LRRC53: variants seen among roughly 807,000 people sequenced by gnomAD.
LRRC53 encodes the protein leucine-rich repeat-containing protein 53.
Under a neutral mutation model 13.6 loss-of-function variants are expected in LRRC53, and 25 were observed. The ratio of observed to expected loss-of-function variants is 1.83; its 90% CI spans 1.34 to 2.56. LRRC53 has a LOEUF of 2.56. Among genes scored for constraint, LRRC53 ranks in the 30% most tolerant of loss-of-function variants. The pLI, the probability that LRRC53 is intolerant of heterozygous loss-of-function variation, is 0.00. For missense variants in LRRC53, 527 were observed against 275.8 expected (o/e 1.91, Z -6.45); for synonymous variants, 204 against 109.8 (o/e 1.86, Z -5.37).
At chr1:74,502,206 T>C (rs1669668254) in intron 1 of LRRC53, among the ~76,000 whole-genome samples, 1 of 152,208 alleles carries the variant, frequency 6.6e-6, no homozygotes, top group South Asian at 2.1e-4. Context: ...ATACCCATAG[T>C]AGATTGTAAA....
In LRRC53 at chr1:74,470,997, ATAAC is replaced by A. The variant is rs1667899602; in HGVS notation, c.2621_2624del (p.Ser874IlefsTer2). 2.5e-6 allele frequency: 1 copy of A among 400,734 alleles called. No individual in the cohort carries two copies. Among genetic ancestry groups the A allele is most frequent in the Admixed American group, 4.4e-5 (1 of 22,746 alleles). 24.8% of individuals were successfully genotyped at this position (400,734 alleles called of 1,614,324 possible). Reference sequence around the variant, plus strand: ...CTGTATTTTCCCAAGTAGTTGCTAAATAACTAAGCACTTTTGATTCAAGCTGAGT... The same window carrying A: ...CTGTATTTTCCCAAGTAGTTGCTAAATAAGCACTTTTGATTCAAGCTGAGT... On this transcript the variant is annotated frameshift_variant, in exon 5 of 5. Coordinates refer to ENST00000294635, the MANE Select transcript of LRRC53 (RefSeq NM_001382280.1). LOFTEE classifies it low-confidence loss of function (END_TRUNC).
At chr1:74,531,600 G>T in the LRRC53 span, among the ~76,000 whole-genome samples, 1 of 152,164 alleles carries the variant, frequency 6.6e-6, no homozygotes, top group African/African-American at 2.4e-5. Flanking sequence ...GACTCTAGTA[G>T]CCTTTTCTAT....
chr1:74,470,770 G>C lies in LRRC53; in HGVS notation c.2852C>G (p.Ala951Gly), dbSNP rs491922. ...TGAATTTTGCTCTCTGTGTTGTAAGGCTTCATTTTGGTCTAAAGTGTATTC... is the reference window on the plus strand; with the variant it reads ...TGAATTTTGCTCTCTGTGTTGTAAGCCTTCATTTTGGTCTAAAGTGTATTC... ...NKEYTLDQNE[A>G]LQHREQNSSH... The change falls in exon 5 of 5, where the codon GCC becomes GGC. Residue 951 changes from alanine (A) to glycine (G), a missense_variant. Ala to Gly is a moderately conservative substitution (Grantham distance 60, BLOSUM62 0). Coordinates refer to ENST00000294635, the MANE Select transcript of LRRC53 (RefSeq NM_001382280.1). 0.58 allele frequency: 230,218 copies of C among 400,326 alleles called. 66,552 individuals carry two copies. Among genetic ancestry groups the C allele is most frequent in the East Asian group, 0.68 (19,033 of 28,062 alleles). The allele number at this position is 400,326 out of a possible 1,614,324, so 24.8% of individuals were successfully genotyped here.
upstream of LRRC53, among the ~76,000 whole-genome samples, chr1:74,514,031 AGCCAGTAAACGATAACT>A (rs1338221151): frequency 6.6e-6 from 1 of 152,220 alleles, no homozygotes; most frequent in Non-Finnish European, 1.5e-5. Context: ...AAAGGTTGTC[AGCCAGTAAACGATAACT>A]GCGTTTTTCA....
At chr1:74,490,026 C>A (rs1233716541) in intron 1 of LRRC53, among the ~76,000 whole-genome samples, 1 of 59,302 alleles carries the variant, frequency 1.7e-5, no homozygotes, top group Admixed American at 2.5e-4. Context: ...GTGGAACCAT[C>A]AAGAAAAGCA....
At chr1:74,503,390 T>A (rs565055249) in intron 1 of LRRC53, among the ~76,000 whole-genome samples, 106 of 152,354 alleles carry the variant, frequency 7.0e-4, no homozygotes, top group African/African-American at 2.4e-3. Context: ...ATGATATCTA[T>A]AGAATTTACA....
the LRRC53 span, among the ~76,000 whole-genome samples, chr1:74,528,808 G>T: frequency 6.6e-6 from 1 of 152,180 alleles, no homozygotes; most frequent in African/African-American, 2.4e-5. Flanking sequence ...AACACACCTG[G>T]CACCTTGATC....
At chr1:74,503,816 G>T (rs1669756360) in intron 1 of LRRC53, among the ~76,000 whole-genome samples, 1 of 152,144 alleles carries the variant, frequency 6.6e-6, no homozygotes, top group African/African-American at 2.4e-5. Flanking sequence ...AACAAAATCA[G>T]AAAATCTCCT....
chr1:74,502,866 A>G (rs1669705464), intron 1 of LRRC53, among the ~76,000 whole-genome samples: 1 of 151,624 alleles, frequency 6.6e-6, no homozygotes, highest in Admixed American at 6.5e-5. Context: ...ATCTTCTTCA[A>G]AACAGCCTCT....
chr1:74,472,417 C>T lies in LRRC53; in HGVS notation c.1421-216G>A, dbSNP rs527452341. Among the ~76,000 whole-genome samples the T allele has an allele frequency of 5.3e-5, 8 of 152,156 alleles. No individual in the cohort carries two copies. In the East Asian group the frequency reaches 7.7e-4, roughly 15 times the overall value. ...TTTATGGTCACACTGCAGTCAGTTG[C>T]GATGCTGACTTAAAAGTTGTGGAGT... On this transcript the variant is annotated intron_variant, in intron 4 of 4. Coordinates refer to ENST00000294635, the MANE Select transcript of LRRC53 (RefSeq NM_001382280.1).
At chr1:74,504,694 G>A (rs1362163148) in intron 1 of LRRC53, among the ~76,000 whole-genome samples, 1 of 152,048 alleles carries the variant, frequency 6.6e-6, no homozygotes, top group Middle Eastern at 3.2e-3. Context: ...TGCATGAAAA[G>A]AGTGAGCGAG....
Position 74,480,746 on chromosome 1 carries a change from C to G in LRRC53, c.311G>C (p.Ser104Thr), listed in dbSNP as rs1456479304. The G allele has an allele frequency of 1.4e-6, 1 of 717,376 alleles. No homozygotes were observed. The highest frequency in any genetic ancestry group is 2.6e-6 in the Non-Finnish European group (1 of 385,108). The allele number at this position is 717,376 out of a possible 1,614,324, so 44.4% of individuals were successfully genotyped here. A position where few individuals can be genotyped will look rare whatever the true frequency, so the allele number is the denominator to read the frequency against. The change falls in exon 3 of 5, where the codon AGC becomes ACC. Residue 104 changes from serine to threonine, a missense_variant. Coordinates refer to ENST00000294635, the MANE Select transcript of LRRC53 (RefSeq NM_001382280.1). ...CAGTACCTGCAGGCTGTGAAGCTTG[C>G]TGAAGGTGTGATCAGTGAGCGAAGA... ...SSSSLTDHTF[S>T]KLHSLQVLVL... is the part of the protein sequence containing the mutation.
intron 2 of LRRC53, among the ~76,000 whole-genome samples, chr1:74,481,559 G>A (rs1668504788): frequency 6.6e-6 from 1 of 152,216 alleles, no homozygotes; most frequent in African/African-American, 2.4e-5. Flanking sequence ...GACAACCCAA[G>A]TACCTGTCAG....
At chr1:74,486,201 AAGAGAG>A (rs58506314) in intron 1 of LRRC53, among the ~76,000 whole-genome samples, 5,594 of 136,484 alleles carry the variant, frequency 0.041, 336 homozygotes, top group African/African-American at 0.14. Flanking sequence ...AAATGCTATA[AAGAGAG>A]AGAGAGAGAG....
the LRRC53 span, among the ~76,000 whole-genome samples, chr1:74,519,497 C>A: frequency 2.4e-5 from 3 of 125,346 alleles, no homozygotes; most frequent in African/African-American, 1.4e-4. Context: ...ACAGTCCCAC[C>A]AACAGTGTAA....
chr1:74,511,763 C>T (rs773470605), intron 1 of LRRC53, among the ~76,000 whole-genome samples: 1 of 151,828 alleles, frequency 6.6e-6, no homozygotes, highest in African/African-American at 2.4e-5. Flanking sequence ...GTAGGCTTCC[C>T]AAAAGCCATC....
At chr1:74,536,687 C>A in the LRRC53 span, among the ~76,000 whole-genome samples, 1 of 152,036 alleles carries the variant, frequency 6.6e-6, no homozygotes, top group Admixed American at 6.6e-5. Flanking sequence ...CATATAGGAG[C>A]TAATAATTCA....
At chr1:74,534,862 T>C in the LRRC53 span, among the ~76,000 whole-genome samples, 2 of 152,178 alleles carry the variant, frequency 1.3e-5, no homozygotes, top group African/African-American at 4.8e-5. Flanking sequence ...TGCTTCATCT[T>C]AAATGGAAAT....
At chr1:74,491,235 T>C (rs558713597) in intron 1 of LRRC53, among the ~76,000 whole-genome samples, 105 of 152,240 alleles carry the variant, frequency 6.9e-4, no homozygotes, top group African/African-American at 2.4e-3. Context: ...GTTTGTTTGT[T>C]TTTGAGAGAG....
Sources: gnomAD v4.1 joint callset for allele counts (sites outside exome capture counted in the v4.1 genomes callset) on GRCh38, gnomAD v4.1.1 for gene constraint, MANE v1.5 for transcripts, NCBI Gene and HGNC (gene_info 2026-07-23, HGNC 2026-07-21) for gene names.